Variants in ABCB1 observed in about 807,000 individuals in gnomAD.
The protein encoded by ABCB1 is ATP-dependent translocase ABCB1.
A neutral mutation model predicts 142.0 loss-of-function variants in ABCB1; 69 were observed. That is an observed-to-expected ratio of 0.49 (90% CI 0.40 to 0.59). ABCB1 has a LOEUF of 0.59. ABCB1 is among the 20% of genes least tolerant of loss of function. The pLI is 0.00. For missense variants in ABCB1, 1,326 were observed against 1,554.7 expected (o/e 0.85, Z 2.47); for synonymous variants, 532 against 539.2 (o/e 0.99, Z 0.18).
intron 1 of ABCB1, chr7:87,628,988 C>T: frequency 7.7e-7 from 1 of 1,301,324 alleles, no homozygotes; most frequent in Non-Finnish European, 9.8e-7. Context: ...CCCGCCGGGG[C>T]TGAGAGCTCT....
Position 87,570,192 on chromosome 7 carries a change from A to G in ABCB1, c.318T>C (p.Asn106=), listed in dbSNP as rs144036454. The part of the protein sequence containing the change: ...SDINDTGFFM[N]LEEDMTRYAY... ...ATTACCTGGTCATGTCTTCCTCCAG[A>G]TTCATGAAGAACCCTGTATCATTGA... Residue 106 remains asparagine, a synonymous_variant, in exon 5 of 28, where the codon AAT becomes AAC. Transcript: ENST00000622132. 1.3e-5 allele frequency: 21 copies of G among 1,613,112 alleles called. No homozygotes were observed. Among genetic ancestry groups the G allele is most frequent in the Non-Finnish European group, 1.7e-5 (20 of 1,179,584 alleles).
At chr7:87,547,353 A>C (rs549089320) in intron 14 of ABCB1, among the ~76,000 whole-genome samples, 27 of 152,322 alleles carry the variant, frequency 1.8e-4, no homozygotes, top group African/African-American at 6.5e-4. Context: ...TTACACCCTA[A>C]AGTATTTTAA....
chr7:87,589,591 C>G (rs1038957472), intron 3 of ABCB1, among the ~76,000 whole-genome samples: 4 of 151,978 alleles, frequency 2.6e-5, no homozygotes, highest in Non-Finnish European at 5.9e-5. Flanking sequence ...TTTGGTACAG[C>G]CTGGGCAACA....
chr7:87,530,838 C>CAAGAAAGCAAGAAAGAAAGAAAGAAAGA (rs1412073870), intron 21 of ABCB1, among the ~76,000 whole-genome samples: 47 of 71,256 alleles, frequency 6.6e-4, no homozygotes, highest in African/African-American at 8.2e-4. Flanking sequence ...AGCAAGAAAG[C>CAAGAAAGCAAGAAAGAAAGAAAGAAAGA]AAGAAAGAAA....
intron 2 of ABCB1, among the ~76,000 whole-genome samples, chr7:87,597,215 A>G (rs886371320): frequency 6.6e-5 from 10 of 152,160 alleles, no homozygotes; most frequent in Non-Finnish European, 1.5e-4. Flanking sequence ...ATTAAAATGC[A>G]CTTTCACACA....
At chr7:87,599,058 CTT>C (rs1163690030) in intron 2 of ABCB1, among the ~76,000 whole-genome samples, 5 of 152,248 alleles carry the variant, frequency 3.3e-5, no homozygotes, top group East Asian at 1.9e-4. Flanking sequence ...CTAATTCAAA[CTT>C]AACATTATTT....
At chr7:87,650,908 T>C in intron 1 of ABCB1, 4 of 1,611,582 alleles carry the variant, frequency 2.5e-6, no homozygotes, top group Non-Finnish European at 2.5e-6. Flanking sequence ...GCAGCTATTT[T>C]GGAACAGATT....
chr7:87,623,708 A>T (rs1454781777), intron 1 of ABCB1, among the ~76,000 whole-genome samples: 4 of 150,710 alleles, frequency 2.7e-5, no homozygotes, highest in Admixed American at 1.3e-4. Context: ...TTTTTTTTTT[A>T]AAGCAATTTT....
chr7:87,615,012 A>T (rs866019674), intron 1 of ABCB1, among the ~76,000 whole-genome samples: 3 of 151,924 alleles, frequency 2.0e-5, no homozygotes, highest in South Asian at 4.2e-4. Context: ...GTCCTGCTAA[A>T]TTTTTTGTAT....
chr7:87,600,159 C>T lies in ABCB1; in HGVS notation c.26G>A (p.Gly9Glu). 6.2e-7 allele frequency: 1 copy of T among 1,614,144 alleles called. No homozygotes were observed. Among genetic ancestry groups the T allele is most frequent in the Admixed American group, 1.7e-5 (1 of 60,024 alleles). ...AAAAAAGTTCTTCTTCTTTGCTCCT[C>T]CATTGCGGTCCCCTTCAAGATCCAT... is the stretch of plus-strand genomic sequence containing the variant. MDLEGDRN[G>E]GAKKKNFFKL... The change falls in exon 2 of 28, where the codon GGA (glycine) becomes GAA (glutamate). Residue 9 changes from glycine (G) to glutamate (E), a missense_variant. Gly to Glu is a moderately conservative substitution (Grantham distance 98). Transcript: ENST00000622132.
intron 17 of ABCB1, among the ~76,000 whole-genome samples, chr7:87,543,860 G>T (rs979263393): frequency 7.9e-5 from 12 of 152,182 alleles, no homozygotes; most frequent in Non-Finnish European, 1.8e-4. Context: ...GTATGAGAAA[G>T]TCATCTCATC....
In ABCB1 at chr7:87,620,202, C is replaced by A. The variant is rs370272884; in HGVS notation, c.-330-19124G>T. Among the ~76,000 whole-genome samples, 60 of 151,702 alleles carry A rather than the reference C, an allele frequency of 4.0e-4. No individual in the cohort carries two copies. The East Asian group carries it at 5.0e-3, about 13-fold the overall frequency. On this transcript the variant is annotated intron_variant, in intron 1 of 28. Transcript: ENST00000265724. ...TTTAGACAGAGTCTCGCTCTGTTGC[C>A]CAGGCTGGACTGCAATGGCACGATC... is the stretch of plus-strand genomic sequence containing the variant.
At chr7:87,699,710 A>T (rs1251250232) in intron 1 of ABCB1, among the ~76,000 whole-genome samples, 1 of 152,240 alleles carries the variant, frequency 6.6e-6, no homozygotes, top group Non-Finnish European at 1.5e-5. Context: ...CCAACCATAG[A>T]AATATTAATA....
rs182853095 is a variant in ABCB1, at chr7:87,587,770, G to A, written c.118-2090C>T. 9.9e-3 allele frequency among the ~76,000 whole-genome samples: 1,499 copies of A among 151,816 alleles called. 26 individuals carry two copies. Among genetic ancestry groups the A allele is most frequent in the African/African-American group, 0.034 (1,404 of 41,364 alleles). On this transcript the variant is annotated intron_variant, in intron 3 of 27. Coordinates refer to ENST00000622132, the MANE Select transcript of ABCB1 (RefSeq NM_001348946.2). ...GGCGCCTGTAATCCCAGCTACTCAG[G>A]AGGCTGAGGCAGGAGAATGGTGTGA...
intron 1 of ABCB1, among the ~76,000 whole-genome samples, chr7:87,679,600 G>T (rs917829612): frequency 4.0e-5 from 6 of 149,950 alleles, no homozygotes; most frequent in African/African-American, 1.5e-4. Context: ...ATGTTGCCCT[G>T]GCTGGTCTCG....
intron 1 of ABCB1, among the ~76,000 whole-genome samples, chr7:87,695,577 A>T (rs1828427174): frequency 6.6e-6 from 1 of 152,104 alleles, no homozygotes; most frequent in Non-Finnish European, 1.5e-5. Context: ...AATAGTCTTT[A>T]ATATTGTCAA....
chr7:87,562,580 C>CTT (rs1406117564), intron 7 of ABCB1, among the ~76,000 whole-genome samples: 2 of 152,074 alleles, frequency 1.3e-5, no homozygotes, highest in Non-Finnish European at 2.9e-5. Context: ...TAAAGAAATA[C>CTT]TTTAAAGTTA....
intron 27 of ABCB1, 112 bp from the exon 28 acceptor site, chr7:87,504,561 C>T (rs1178263633): frequency 6.9e-7 from 1 of 1,445,766 alleles, no homozygotes; most frequent in African/African-American, 1.4e-5. Flanking sequence ...GTAATCCCAG[C>T]ACTTTGGGAG....
intron 1 of ABCB1, among the ~76,000 whole-genome samples, chr7:87,638,207 A>T (rs2130262286): frequency 6.6e-6 from 1 of 152,226 alleles, no homozygotes; most frequent in South Asian, 2.1e-4. Context: ...TTTTGCATTT[A>T]GGGTGTTAAT....
Sources: allele counts gnomAD v4.1 joint callset (sites outside exome capture counted in the v4.1 genomes callset), GRCh38; gene constraint gnomAD v4.1.1; transcripts MANE v1.5; gene names NCBI Gene and HGNC (gene_info 2026-07-23, HGNC 2026-07-21).